Variants in ATAD2B observed in about 807,000 individuals in gnomAD.
ATAD2B encodes the protein ATPase family AAA domain-containing protein 2B.
In ATAD2B, 40 loss-of-function variants were observed where a neutral mutation model predicts 167.6. The ratio of observed to expected loss-of-function variants is 0.24; its 90% CI spans 0.19 to 0.31. The LOEUF (loss-of-function observed/expected upper bound fraction) is 0.31. Ranked by LOEUF, ATAD2B falls within the 10% of genes least tolerant of loss-of-function variation. The pLI, the probability that ATAD2B is intolerant of heterozygous loss-of-function variation, is 1.00. For synonymous variants in ATAD2B, 579 were observed against 596.5 expected (o/e 0.97, Z 0.43); for missense variants, 1,242 against 1,757.2 (o/e 0.71, Z 5.24).
At position 23,895,952 on chromosome 2, in the gene ATAD2B, T is replaced by C; in HGVS notation, c.235A>G (p.Ser79Gly). 1 of 1,612,548 alleles carries C rather than the reference T, an allele frequency of 6.2e-7. No individual in the cohort carries two copies. ...GGAGATACGTGGCTATCACTTAAAC[T>C]ACCATCAACTTCAACTTTCTGAAAG... ...DEARKVEVDG[S>G]LSDSHVSPPA... The change falls in exon 2 of 28, where the codon AGT (serine) becomes GGT (glycine). Residue 79 changes from serine to glycine, a missense_variant. Ser to Gly is a moderately conservative substitution (Grantham distance 56). Coordinates refer to ENST00000238789, the MANE Select transcript of ATAD2B (RefSeq NM_017552.4).
Position 23,895,822 on chromosome 2 carries a change from G to A in ATAD2B, c.365C>T (p.Ala122Val), listed in dbSNP as rs780642683. 6.2e-7 allele frequency: 1 copy of A among 1,607,040 alleles called. No homozygotes were observed. Among genetic ancestry groups the A allele is most frequent in the Non-Finnish European group, 8.5e-7 (1 of 1,176,068 alleles). The change falls in exon 2 of 28, where the codon GCC (alanine) becomes GTC (valine). Residue 122 changes from alanine (A) to valine (V), a missense_variant. Physicochemically the swap from Ala to Val is moderately conservative, Grantham distance 64 (BLOSUM62 0). This residue lies in a region of ATAD2B where 199 missense variants were observed against 194.9 expected (regional missense o/e 1.02). Transcript: ENST00000238789. ...REEWNLSTGQ[A>V]RLTSQPGATL... ...TCAATGAGTTCTCCTTTCTCACCTG[G>A]CCTGTCCAGTTGATAAGTTCCATTC...
At chr2:23,738,042 G>A in the ATAD2B span, among the ~76,000 whole-genome samples, 1 of 152,184 alleles carries the variant, frequency 6.6e-6, no homozygotes, top group Admixed American at 6.5e-5. Context: ...AGAAATATGG[G>A]ACTATGTGAA....
At chr2:23,687,940 G>T in the ATAD2B span, among the ~76,000 whole-genome samples, 2 of 152,112 alleles carry the variant, frequency 1.3e-5, no homozygotes, top group African/African-American at 4.8e-5. Flanking sequence ...GGGTCTCAGT[G>T]TCCTCTCCCA....
At chr2:23,686,394 G>T in the ATAD2B span, among the ~76,000 whole-genome samples, 2 of 152,182 alleles carry the variant, frequency 1.3e-5, no homozygotes, top group Non-Finnish European at 2.9e-5. Flanking sequence ...TGACTCCGCC[G>T]CTTGTCTTGT....
At chr2:23,683,505 C>T in the ATAD2B span, among the ~76,000 whole-genome samples, 4 of 152,204 alleles carry the variant, frequency 2.6e-5, no homozygotes, top group African/African-American at 7.2e-5. Context: ...AGGCTCTTCC[C>T]TCCTTCTCCT....
chr2:23,833,283 C>T (rs1342248680), intron 14 of ATAD2B, among the ~76,000 whole-genome samples: 1 of 152,172 alleles, frequency 6.6e-6, no homozygotes, highest in African/African-American at 2.4e-5. Context: ...CATACAGTAC[C>T]TCCTTTGCAT....
chr2:23,910,050 G>A (rs929328960), intron 1 of ATAD2B, among the ~76,000 whole-genome samples: 2 of 151,524 alleles, frequency 1.3e-5, no homozygotes, highest in South Asian at 2.1e-4. Flanking sequence ...TTTTAATAGC[G>A]GTGAGGTCTC....
At chr2:23,728,089 C>A in the ATAD2B span, among the ~76,000 whole-genome samples, 3 of 151,960 alleles carry the variant, frequency 2.0e-5, no homozygotes, top group Non-Finnish European at 4.4e-5. Flanking sequence ...TATTTGCTTA[C>A]CAATTGTAAC....
At chr2:23,734,450 G>A in the ATAD2B span, among the ~76,000 whole-genome samples, 6 of 152,144 alleles carry the variant, frequency 3.9e-5, no homozygotes, top group Non-Finnish European at 7.3e-5. Flanking sequence ...GTGAGCCATC[G>A]TACCCAGTCA....
intron 13 of ATAD2B, among the ~76,000 whole-genome samples, chr2:23,835,624 C>T (rs1400840408): frequency 6.6e-6 from 1 of 152,164 alleles, no homozygotes; most frequent in East Asian, 1.9e-4. Context: ...CTGAAAGTCA[C>T]TGAACTATGC....
At chr2:23,848,537 T>C (rs2712075) in intron 13 of ATAD2B, among the ~76,000 whole-genome samples, 5,892 of 152,234 alleles carry the variant, frequency 0.039, 109 homozygotes, top group South Asian at 0.046. Context: ...AATGCAAGTA[T>C]ACTATTTCAA....
At chr2:23,738,071 G>C in the ATAD2B span, among the ~76,000 whole-genome samples, 1 of 152,214 alleles carries the variant, frequency 6.6e-6, no homozygotes, top group Non-Finnish European at 1.5e-5. Flanking sequence ...ATCTACATCT[G>C]ATTGGTGTAC....
chr2:23,837,138 G>A (rs756913179), intron 13 of ATAD2B, among the ~76,000 whole-genome samples: 1 of 152,202 alleles, frequency 6.6e-6, no homozygotes, highest in Non-Finnish European at 1.5e-5. Flanking sequence ...AAGCTCATCG[G>A]CACCCAAAGT....
intron 18 of ATAD2B, among the ~76,000 whole-genome samples, chr2:23,809,462 T>TC (rs1685201152): frequency 6.6e-6 from 1 of 152,146 alleles, no homozygotes; most frequent in African/African-American, 2.4e-5. Context: ...AGTTAGATAA[T>TC]TACAGTATAT....
chr2:23,890,156 A>G lies in ATAD2B; in HGVS notation c.369-1757T>C, dbSNP rs568497747. Among the ~76,000 whole-genome samples the G allele has an allele frequency of 1.1e-4, 17 of 152,274 alleles. No individual in the cohort carries two copies. The East Asian group carries it at 3.1e-3, about 28-fold the overall frequency. On this transcript the variant is annotated intron_variant, in intron 2 of 27. Transcript: ENST00000238789. ...CGTGAACCTGGGAGGTGGAGCTTAC[A>G]GTGAGCCGAGATCGCGCCACTGCAC...
chr2:23,694,366 C>T, the ATAD2B span, among the ~76,000 whole-genome samples: 2 of 152,196 alleles, frequency 1.3e-5, no homozygotes, highest in African/African-American at 4.8e-5. Context: ...CTCTCCCCAT[C>T]GAGACCTTCC....
At chr2:23,776,750 G>A (rs554269356) in intron 22 of ATAD2B, among the ~76,000 whole-genome samples, 1 of 152,120 alleles carries the variant, frequency 6.6e-6, no homozygotes, top group South Asian at 2.1e-4. Flanking sequence ...GGCACCTTAA[G>A]ACATTATTCA....
At chr2:23,837,357 C>G (rs562751173) in intron 13 of ATAD2B, among the ~76,000 whole-genome samples, 2 of 152,346 alleles carry the variant, frequency 1.3e-5, no homozygotes, top group East Asian at 3.9e-4. Context: ...CCCCAGAGTG[C>G]AGGAATGCCA....
downstream of ATAD2B, among the ~76,000 whole-genome samples, chr2:23,747,407 T>C (rs1234417881): frequency 6.6e-6 from 1 of 151,772 alleles, no homozygotes; most frequent in Non-Finnish European, 1.5e-5. Context: ...TTAGATTCTG[T>C]AACAATACAT....
Sources: gnomAD v4.1 joint callset for allele counts (sites outside exome capture counted in the v4.1 genomes callset) on GRCh38, gnomAD v4.1.1 for gene constraint, gnomAD v4.1.1 regional missense constraint, MANE v1.5 for transcripts, NCBI Gene and HGNC (gene_info 2026-07-23, HGNC 2026-07-21) for gene names.